The following UFSP1 variants were observed in gnomAD, a reference collection of about 807,000 sequenced individuals.
The protein encoded by UFSP1 is UFM1 specific peptidase 1.
For synonymous variants in UFSP1, 119 were observed against 77.6 expected, an observed-to-expected ratio of 1.53 and a Z score of -2.81; for missense variants, 261 against 182.7, an observed-to-expected ratio of 1.43 and a Z score of -2.47.
chr7:100,888,725 G>T lies in UFSP1; in HGVS notation c.*118C>A. ...CTTCCAGAGTAACTCCTGAGGTGTT[G>T]CTCAGCCCTGCCACTTTTATTATTG... On this transcript the variant is annotated 3_prime_UTR_variant, in exon 1 of 1. Coordinates refer to ENST00000388761, the MANE Select transcript of UFSP1 (RefSeq NM_001015072.4). 1 of 1,458,328 alleles carries T rather than the reference G, an allele frequency of 6.9e-7. No homozygotes were observed. The highest frequency in any genetic ancestry group is 2.3e-5 in the East Asian group (1 of 44,008). The allele number at this position is 1,458,328 out of a possible 1,614,324, so 90.3% of individuals were successfully genotyped here.
In UFSP1 at chr7:100,889,414, A is replaced by T; in HGVS notation, c.-143T>A. ...GCCGTCGCAGCCGTAGTGGTAGTAG[A>T]GGTAGTGGCCCGAGAGCAGCGCCAG... On this transcript the variant is annotated 5_prime_UTR_variant, in exon 1 of 1. Transcript: ENST00000388761. 1 of 702,152 alleles carries T rather than the reference A, an allele frequency of 1.4e-6. No individual in the cohort carries two copies. Among genetic ancestry groups the T allele is most frequent in the Non-Finnish European group, 2.3e-6 (1 of 444,098 alleles). 43.5% of individuals were successfully genotyped at this position (702,152 alleles called of 1,614,324 possible). A position where few individuals can be genotyped will look rare whatever the true frequency, so the allele number is the denominator to read the frequency against.
At position 100,888,761 on chromosome 7, in the gene UFSP1, C is replaced by G; in HGVS notation, c.*82G>C. On this transcript the variant is annotated 3_prime_UTR_variant, in exon 1 of 1. Transcript: ENST00000388761. ...CCACTTTTATTATTGATGTCAAAAG[C>G]GCCAGGCTTTGCAGGGACACCAGTG... The G allele has an allele frequency of 6.5e-7, 1 of 1,539,150 alleles. No individual in the cohort carries two copies. Among genetic ancestry groups the G allele is most frequent in the Non-Finnish European group, 8.9e-7 (1 of 1,128,690 alleles).
chr7:100,889,301 G>A lies in UFSP1; in HGVS notation c.-30C>T, dbSNP rs930729321. 4.7e-6 allele frequency: 7 copies of A among 1,476,382 alleles called. No individual in the cohort carries two copies. Among genetic ancestry groups the A allele is most frequent in the Admixed American group, 2.5e-5 (1 of 40,046 alleles). 91.5% of individuals were successfully genotyped at this position (1,476,382 alleles called of 1,614,324 possible). A position where few individuals can be genotyped will look rare whatever the true frequency, so the allele number is the denominator to read the frequency against. On this transcript the variant is annotated 5_prime_UTR_variant, in exon 1 of 1. Transcript: ENST00000388761. ...TCCAGGGCCGCCTGTACGGCGGCCA[G>A]TCCAGGTACGCCCGCGGGCTGGCCC...
In UFSP1 at chr7:100,889,003, A is replaced by AATACC. The variant is rs1563029652; in HGVS notation, c.264_268dup (p.Leu90TrpfsTer28). On this transcript the variant is annotated frameshift_variant, in exon 1 of 1. Coordinates refer to ENST00000388761, the MANE Select transcript of UFSP1 (RefSeq NM_001015072.4). LOFTEE classifies it low-confidence loss of function (END_TRUNC). Reference sequence around the variant, plus strand: ...TGGAGTGCCCCAGTAGTGAGGGTCCAATACCAGGACATAGGCTTCCGTGCC... The same window carrying AATACC: ...TGGAGTGCCCCAGTAGTGAGGGTCCAATACCATACCAGGACATAGGCTTCCGTGCC... The AATACC allele has an allele frequency of 6.2e-7, 1 of 1,614,148 alleles. No individual in the cohort carries two copies.
In UFSP1 at chr7:100,888,893, G is replaced by GGTT; in HGVS notation, c.376_378dup (p.Asn126dup). 1 of 1,614,124 alleles carries GGTT rather than the reference G, an allele frequency of 6.2e-7. No individual in the cohort carries two copies. Among genetic ancestry groups the GGTT allele is most frequent in the Non-Finnish European group, 8.5e-7 (1 of 1,179,998 alleles). Reference sequence around the variant, plus strand: ...TGGGAGCTAAGGCTGGTCAAGCACAGGTTGTAGAAGGAGTTGGGGTCAAAG... The same window carrying GGTT: ...TGGGAGCTAAGGCTGGTCAAGCACAGGTTGTTGTAGAAGGAGTTGGGGTCAAAG... On this transcript the variant is annotated inframe_insertion, in exon 1 of 1. Transcript: ENST00000388761.
chr7:100,889,207 A>G lies in UFSP1; in HGVS notation c.65T>C (p.Leu22Pro). Residue 22 changes from leucine to proline, a missense_variant, in exon 1 of 1, where the codon CTC (leucine) becomes CCC (proline). By Grantham distance (98) the Leu-to-Pro change is moderately conservative. Transcript: ENST00000388761. Reference sequence around the variant, plus strand: ...GGGCCCTCCGAAGTGAGCGAGGCAGAGGCTGGCCTCCACGCAGCCGATCCA... The same window carrying G: ...GGGCCCTCCGAAGTGAGCGAGGCAGGGGCTGGCCTCCACGCAGCCGATCCA... The G allele has an allele frequency of 2.5e-6, 4 of 1,600,902 alleles. No homozygotes were observed. Among genetic ancestry groups the G allele is most frequent in the Non-Finnish European group, 2.6e-6 (3 of 1,174,350 alleles).
At position 100,889,173 on chromosome 7, in the gene UFSP1, G is replaced by A. The variant is rs761506074; in HGVS notation, c.99C>T (p.Arg33=). ...CCACTCCCCGGGGTACGTGGCAGAG[G>A]CGTCCCTGGGGCCCTCCGAAGTGAG... The change falls in exon 1 of 1, where the codon CGC becomes CGT. Residue 33 remains arginine, a synonymous_variant. Coordinates refer to ENST00000388761, the MANE Select transcript of UFSP1 (RefSeq NM_001015072.4). 6.2e-7 allele frequency: 1 copy of A among 1,612,144 alleles called. No individual in the cohort carries two copies. Among genetic ancestry groups the A allele is most frequent in the Admixed American group, 1.7e-5 (1 of 59,936 alleles).
Position 100,889,197 on chromosome 7 carries a change from A to C in UFSP1, c.75T>G (p.Ala25=), listed in dbSNP as rs1267700241. 1 of 1,607,448 alleles carries C rather than the reference A, an allele frequency of 6.2e-7. No homozygotes were observed. Among genetic ancestry groups the C allele is most frequent in the African/African-American group, 1.3e-5 (1 of 74,818 alleles). Residue 25 remains alanine, a synonymous_variant, in exon 1 of 1, where the codon GCT becomes GCG. Transcript: ENST00000388761. ...GGCGTCCCTGGGGCCCTCCGAAGTG[A>C]GCGAGGCAGAGGCTGGCCTCCACGC... is the stretch of plus-strand genomic sequence containing the variant.
At position 100,889,065 on chromosome 7, in the gene UFSP1, G is replaced by A. The variant is rs555115495; in HGVS notation, c.207C>T (p.Ala69=). ...AGACTCCCAGCAAGGCCTTGGACCTGGCATCTGCGTCCCCCCCAACCATGA... is the reference window on the plus strand; with the variant it reads ...AGACTCCCAGCAAGGCCTTGGACCTAGCATCTGCGTCCCCCCCAACCATGA... The change falls in exon 1 of 1, where the codon GCC becomes GCT. Residue 69 remains alanine, a synonymous_variant. Transcript: ENST00000388761. 4.3e-6 allele frequency: 7 copies of A among 1,614,022 alleles called. No homozygotes were observed. Among genetic ancestry groups the A allele is most frequent in the Non-Finnish European group, 5.9e-6 (7 of 1,179,986 alleles).
At position 100,889,193 on chromosome 7, in the gene UFSP1, A is replaced by G. The variant is rs756212152; in HGVS notation, c.79T>C (p.Phe27Leu). ...CAGAGGCGTCCCTGGGGCCCTCCGA[A>G]GTGAGCGAGGCAGAGGCTGGCCTCC... The change falls in exon 1 of 1, where the codon TTC (phenylalanine) becomes CTC (leucine). Residue 27 changes from phenylalanine to leucine, a missense_variant. Phe to Leu is a conservative substitution (Grantham distance 22). Transcript: ENST00000388761. The G allele has an allele frequency of 1.9e-6, 3 of 1,609,588 alleles. No homozygotes were observed. Among genetic ancestry groups the G allele is most frequent in the Non-Finnish European group, 2.5e-6 (3 of 1,178,412 alleles).
rs1790494314 is a variant in UFSP1, at chr7:100,889,472, C to A, written c.-201G>T. On this transcript the variant is annotated 5_prime_UTR_variant, in exon 1 of 1. Coordinates refer to ENST00000388761, the MANE Select transcript of UFSP1 (RefSeq NM_001015072.4). ...GGGCCGCGGCTCGGCGGGGACAGGC[C>A]CACGTGGACGTCCCTCAGCGGCTCC... 1.9e-6 allele frequency: 1 copy of A among 518,294 alleles called. No individual in the cohort carries two copies. Among genetic ancestry groups the A allele is most frequent in the Admixed American group, 3.9e-5 (1 of 25,540 alleles). 32.1% of individuals were successfully genotyped at this position (518,294 alleles called of 1,614,324 possible).
In UFSP1 at chr7:100,889,427, A is replaced by C; in HGVS notation, c.-156T>G. 1.6e-6 allele frequency: 1 copy of C among 626,100 alleles called. No individual in the cohort carries two copies. The highest frequency in any genetic ancestry group is 2.6e-6 in the Non-Finnish European group (1 of 385,128). The allele number at this position is 626,100 out of a possible 1,614,324, so 38.8% of individuals were successfully genotyped here. On this transcript the variant is annotated 5_prime_UTR_variant, in exon 1 of 1. Coordinates refer to ENST00000388761, the MANE Select transcript of UFSP1 (RefSeq NM_001015072.4). ...TAGTGGTAGTAGAGGTAGTGGCCCGAGAGCAGCGCCAGGCGGACAGGGCCG... is the reference window on the plus strand; with the variant it reads ...TAGTGGTAGTAGAGGTAGTGGCCCGCGAGCAGCGCCAGGCGGACAGGGCCG...
chr7:100,889,206 G>A lies in UFSP1; in HGVS notation c.66C>T (p.Leu22=). The change falls in exon 1 of 1, where the codon CTC becomes CTT. Residue 22 remains leucine (L), a synonymous_variant. Coordinates refer to ENST00000388761, the MANE Select transcript of UFSP1 (RefSeq NM_001015072.4). ...GGGGCCCTCCGAAGTGAGCGAGGCA[G>A]AGGCTGGCCTCCACGCAGCCGATCC... 6.2e-7 allele frequency: 1 copy of A among 1,601,672 alleles called. No homozygotes were observed. Among genetic ancestry groups the A allele is most frequent in the Non-Finnish European group, 8.5e-7 (1 of 1,174,640 alleles).
In UFSP1 at chr7:100,888,861, C is replaced by G. The variant is rs779561849; in HGVS notation, c.411G>C (p.Gln137His). 1 of 1,610,538 alleles carries G rather than the reference C, an allele frequency of 6.2e-7. No homozygotes were observed. The highest frequency in any genetic ancestry group is 8.5e-7 in the Non-Finnish European group (1 of 1,177,540). ...TTCGTCCTCAGTCCAAGGTGCGCTG[C>G]TGCTGTTGGGAGCTAAGGCTGGTCA... Residue 137 changes from glutamine (Q) to histidine (H), a missense_variant, in exon 1 of 1, where the codon CAG (glutamine) becomes CAC (histidine). Transcript: ENST00000388761.
chr7:100,889,372 C>T lies in UFSP1; in HGVS notation c.-101G>A. ...CTGCAGAGTGCGGTAGCCGCAGCCC[C>T]AGCCGCGGTCGTCCAGGCCGTCGCA... is the stretch of plus-strand genomic sequence containing the variant. On this transcript the variant is annotated 5_prime_UTR_variant, in exon 1 of 1. Coordinates refer to ENST00000388761, the MANE Select transcript of UFSP1 (RefSeq NM_001015072.4). 3 of 1,071,172 alleles carry T rather than the reference C, an allele frequency of 2.8e-6. No individual in the cohort carries two copies. Among genetic ancestry groups the T allele is most frequent in the East Asian group, 2.8e-5 (1 of 36,038 alleles). 66.4% of individuals were successfully genotyped at this position (1,071,172 alleles called of 1,614,324 possible).
Position 100,889,332 on chromosome 7 carries a change from C to T in UFSP1, c.-61G>A. On this transcript the variant is annotated 5_prime_UTR_variant, in exon 1 of 1. Coordinates refer to ENST00000388761, the MANE Select transcript of UFSP1 (RefSeq NM_001015072.4). ...GTACGCCCGCGGGCTGGCCCTCTGG[C>T]CACGAGCACAGCGTCTGCAGAGTGC... 7.2e-7 allele frequency: 1 copy of T among 1,397,078 alleles called. No individual in the cohort carries two copies. 86.5% of individuals were successfully genotyped at this position (1,397,078 alleles called of 1,614,324 possible).
At position 100,889,104 on chromosome 7, in the gene UFSP1, C is replaced by T. The variant is rs774424224; in HGVS notation, c.168G>A (p.Gly56=). Residue 56 remains glycine, a synonymous_variant, in exon 1 of 1, where the codon GGG becomes GGA. Transcript: ENST00000388761. ...CCCCAACCATGACTGGGCCCCCACC[C>T]CCTGCGAAGTGCGAGTAAAGCCTCT... The T allele has an allele frequency of 1.1e-5, 17 of 1,613,334 alleles. No homozygotes were observed. The highest frequency in any genetic ancestry group is 1.4e-5 in the Non-Finnish European group (17 of 1,179,868).
At position 100,889,063 on chromosome 7, in the gene UFSP1, C is replaced by G; in HGVS notation, c.209G>C (p.Arg70Thr). Residue 70 changes from arginine (R) to threonine (T), a missense_variant, in exon 1 of 1, where the codon AGG (arginine) becomes ACG (threonine). Transcript: ENST00000388761. ...GCAGACTCCCAGCAAGGCCTTGGAC[C>G]TGGCATCTGCGTCCCCCCCAACCAT... is the stretch of plus-strand genomic sequence containing the variant. 1.9e-6 allele frequency: 3 copies of G among 1,614,102 alleles called. No homozygotes were observed. The highest frequency in any genetic ancestry group is 1.7e-6 in the Non-Finnish European group (2 of 1,180,000).
rs1479444473 is a variant in UFSP1 at position 100,889,250 on chromosome 7, A to G, written c.22T>C (p.Phe8Leu). ...CCGATCCAGTCCCGGGAGCCCCGGA[A>G]GCCGGGGGGCTTGTCGCCCATGTCC... The change falls in exon 1 of 1, where the codon TTC becomes CTC. Residue 8 changes from phenylalanine to leucine, a missense_variant. Coordinates refer to ENST00000388761, the MANE Select transcript of UFSP1 (RefSeq NM_001015072.4). 1 of 1,545,240 alleles carries G rather than the reference A, an allele frequency of 6.5e-7. No homozygotes were observed. Among genetic ancestry groups the G allele is most frequent in the Non-Finnish European group, 8.7e-7 (1 of 1,149,932 alleles).
Sources: allele counts gnomAD v4.1 joint callset, GRCh38; gene constraint gnomAD v4.1.1; transcripts MANE v1.5; gene names NCBI Gene and HGNC (gene_info 2026-07-23, HGNC 2026-07-21).